The following CNNM2 variants were observed in gnomAD, a reference collection of about 807,000 sequenced individuals.
CNNM2 encodes cyclin and CBS domain divalent metal cation transport mediator 2, also known as metal transporter CNNM2.
Under a neutral mutation model 66.9 loss-of-function variants are expected in CNNM2, and 12 were observed. The observed-to-expected ratio is 0.18, with a 90% CI of 0.11 to 0.29. CNNM2 has a LOEUF of 0.29. CNNM2 is among the 10% of genes least tolerant of loss of function. CNNM2 has a pLI of 1.00. For missense variants in CNNM2, 705 were observed against 1,167.7 expected, an observed-to-expected ratio of 0.60 and a Z score of 5.77; for synonymous variants, 557 against 501.8, an observed-to-expected ratio of 1.11 and a Z score of -1.47.
In CNNM2 at chr10:103,088,905, C is replaced by G. The variant is rs909517668; in HGVS notation, c.*11725C>G. On this transcript the variant is annotated 3_prime_UTR_variant, in exon 8 of 8. Coordinates refer to ENST00000369878, the MANE Select transcript of CNNM2 (RefSeq NM_017649.5). ...CTGTAGTATAAGAAGGCAGTTCTTCCCTTTCTTTTCTGGGGGCTTGTTCCT... is the reference window on the plus strand; with the variant it reads ...CTGTAGTATAAGAAGGCAGTTCTTCGCTTTCTTTTCTGGGGGCTTGTTCCT... The G allele has an allele frequency of 2.4e-5, 5 of 211,874 alleles. No individual in the cohort carries two copies. Among genetic ancestry groups the G allele is most frequent in the Admixed American group, 1.8e-4 (3 of 17,024 alleles). The allele number at this position is 211,874 out of a possible 1,614,324, so 13.1% of individuals were successfully genotyped here.
intron 1 of CNNM2, among the ~76,000 whole-genome samples, chr10:102,979,706 CAA>C (rs1441023552): frequency 6.6e-6 from 1 of 151,920 alleles, no homozygotes; most frequent in Non-Finnish European, 1.5e-5. Flanking sequence ...ATACATAAAA[CAA>C]ATAGTTGTAA....
At position 103,086,882 on chromosome 10, in the gene CNNM2, T is replaced by G. The variant is rs2065821052; in HGVS notation, c.*9702T>G. ...AGAGTTTTCACTGACTATCTATCTTTGCAGAGATGAATGAATGTACTGGGC... is the reference window on the plus strand; with the variant it reads ...AGAGTTTTCACTGACTATCTATCTTGGCAGAGATGAATGAATGTACTGGGC... On this transcript the variant is annotated 3_prime_UTR_variant, in exon 8 of 8. Transcript: ENST00000369878. The G allele has an allele frequency of 6.6e-6, 1 of 152,180 alleles. No individual in the cohort carries two copies. Among genetic ancestry groups the G allele is most frequent in the African/African-American group, 2.4e-5 (1 of 41,446 alleles). The allele number at this position is 152,180 out of a possible 1,614,324, so 9.4% of individuals were successfully genotyped here. A position where few individuals can be genotyped will look rare whatever the true frequency, so the allele number is the denominator to read the frequency against.
rs189557265 is a variant in CNNM2, at chr10:103,019,085, C to T, written c.1622-30622C>T. Among the ~76,000 whole-genome samples the T allele has an allele frequency of 7.4e-3, 1,128 of 151,560 alleles. 5 individuals are homozygous for T. Among genetic ancestry groups the T allele is most frequent in the Non-Finnish European group, 0.011 (738 of 67,784 alleles). ...GAGTTAGAGACCAGCCTGGGCAGCACGGCGAGATCCCATCCCTACTAAAAA... is the reference window on the plus strand; with the variant it reads ...GAGTTAGAGACCAGCCTGGGCAGCATGGCGAGATCCCATCCCTACTAAAAA... On this transcript the variant is annotated intron_variant, in intron 1 of 7. Coordinates refer to ENST00000369878, the MANE Select transcript of CNNM2 (RefSeq NM_017649.5).
intron 1 of CNNM2, among the ~76,000 whole-genome samples, chr10:103,002,642 G>GCT (rs1228860065): frequency 1.3e-5 from 2 of 152,058 alleles, no homozygotes; most frequent in African/African-American, 4.8e-5. Context: ...ACCACACCCG[G>GCT]CTAATTTTGT....
At chr10:102,982,368 A>C (rs2063732412) in intron 1 of CNNM2, among the ~76,000 whole-genome samples, 1 of 152,256 alleles carries the variant, frequency 6.6e-6, no homozygotes, top group Non-Finnish European at 1.5e-5. Flanking sequence ...TAGTGAGTAC[A>C]TAATAAATAT....
rs533064589 is a variant in CNNM2 at position 102,996,857 on chromosome 10, T to A, written c.1622-52850T>A. 2.6e-5 allele frequency among the ~76,000 whole-genome samples: 4 copies of A among 152,326 alleles called. No individual in the cohort carries two copies. In the South Asian group the frequency reaches 8.3e-4, roughly 32 times the overall value. On this transcript the variant is annotated intron_variant, in intron 1 of 7. Transcript: ENST00000369878. The stretch of plus-strand genomic sequence containing the variant: ...TTCTTCCACGAGATATTTGCCTTTG[T>A]TATGTCCTCAATTATTTTCAAGCTC...
chr10:102,928,360 G>A (rs1260619615), intron 1 of CNNM2, among the ~76,000 whole-genome samples: 1 of 152,086 alleles, frequency 6.6e-6, no homozygotes, highest in Non-Finnish European at 1.5e-5. Flanking sequence ...GCCGAGGCGG[G>A]TGGATCACCT....
intron 3 of CNNM2, among the ~76,000 whole-genome samples, chr10:103,056,255 T>G (rs1483543978): frequency 6.6e-6 from 1 of 152,188 alleles, no homozygotes; most frequent in South Asian, 2.1e-4. Context: ...TTTTGAACAT[T>G]ACTTTTTTTT....
intron 1 of CNNM2, among the ~76,000 whole-genome samples, chr10:103,040,798 A>G (rs2065026863): frequency 6.6e-6 from 1 of 152,184 alleles, no homozygotes; most frequent in South Asian, 2.1e-4. Context: ...TCTTCCATCT[A>G]AACGTCTCTG....
At chr10:102,942,940 G>T (rs557187323) in intron 1 of CNNM2, among the ~76,000 whole-genome samples, 1 of 152,146 alleles carries the variant, frequency 6.6e-6, no homozygotes, top group African/African-American at 2.4e-5. Context: ...GTCCAGGCGC[G>T]CCTGGATCAC....
At chr10:102,963,423 C>T (rs1376166012) in intron 1 of CNNM2, among the ~76,000 whole-genome samples, 1 of 152,124 alleles carries the variant, frequency 6.6e-6, no homozygotes, top group East Asian at 1.9e-4. Context: ...AATGACTTTC[C>T]TCCAGACACC....
At position 102,918,699 on chromosome 10, in the gene CNNM2, G is replaced by A; in HGVS notation, c.219G>A (p.Val73=). Residue 73 remains valine, a synonymous_variant, in exon 1 of 8, where the codon GTG becomes GTA. Transcript: ENST00000369878. This position sits in a 1 kb window ranked among gnomAD's most constrained non-coding sequence, Gnocchi z 4.1. ...CGGTGGGCGAGAATGAGGAGACGGT[G>A]ATCATCGGGCTGCGACTGGAGGACA... ...CAAVGENEET[V]IIGLRLEDTN... The A allele has an allele frequency of 6.4e-7, 1 of 1,560,858 alleles. No homozygotes were observed. The highest frequency in any genetic ancestry group is 8.7e-7 in the Non-Finnish European group (1 of 1,153,052).
rs2065187015 is a variant in CNNM2, at chr10:103,049,841, G to C, written c.1756G>C (p.Asp586His). 6.2e-7 allele frequency: 1 copy of C among 1,613,596 alleles called. No individual in the cohort carries two copies. The highest frequency in any genetic ancestry group is 1.3e-5 in the African/African-American group (1 of 74,920). ...CAAATCTGAGATTCTTGATGAAACA[G>C]ATTTATACAGTAAGTAGCATTGTCT... ...IIKSEILDET[D>H]LYTDNRTKKK... Residue 586 changes from aspartate to histidine, a missense_variant, in exon 2 of 8, where the codon GAT becomes CAT. Physicochemically the swap from Asp to His is moderately conservative, Grantham distance 81. Coordinates refer to ENST00000369878, the MANE Select transcript of CNNM2 (RefSeq NM_017649.5).
chr10:103,043,990 C>T (rs2065086355), intron 1 of CNNM2, among the ~76,000 whole-genome samples: 1 of 152,200 alleles, frequency 6.6e-6, no homozygotes, highest in Non-Finnish European at 1.5e-5. Context: ...AGGGCGCTCT[C>T]CCAAGCCCTG....
intron 4 of CNNM2, among the ~76,000 whole-genome samples, chr10:103,064,729 A>G (rs1435246025): frequency 6.6e-6 from 1 of 152,082 alleles, no homozygotes; most frequent in Non-Finnish European, 1.5e-5. Flanking sequence ...AGTGCCAGCT[A>G]CTCAGGAGGC....
intron 1 of CNNM2, among the ~76,000 whole-genome samples, chr10:102,941,949 TG>T (rs1471640177): frequency 6.6e-6 from 1 of 152,214 alleles, no homozygotes; most frequent in Non-Finnish European, 1.5e-5. Flanking sequence ...GTTGAGAATG[TG>T]TTGTGATACT....
At chr10:103,053,704 C>T (rs925298739) in intron 2 of CNNM2, among the ~76,000 whole-genome samples, 6 of 152,152 alleles carry the variant, frequency 3.9e-5, no homozygotes, top group East Asian at 3.9e-4. Context: ...TGGCCCTTTT[C>T]GGAGGAAGTT....
chr10:102,961,944 C>T (rs1272242580), intron 1 of CNNM2, among the ~76,000 whole-genome samples: 2 of 150,220 alleles, frequency 1.3e-5, no homozygotes, highest in Non-Finnish European at 3.0e-5. Flanking sequence ...GGTTGTCTAA[C>T]GATACTTATA....
chr10:102,921,135 A>G (rs1255596143), intron 1 of CNNM2: 7 of 666,924 alleles, frequency 1.0e-5, no homozygotes, highest in Non-Finnish European at 1.3e-5. Flanking sequence ...AACTTGTACT[A>G]TTATTATTGA....
Sources: allele counts gnomAD v4.1 joint callset (sites outside exome capture counted in the v4.1 genomes callset), GRCh38; gene constraint gnomAD v4.1.1; non-coding constraint Gnocchi (gnomAD v3.1); transcripts MANE v1.5; gene names NCBI Gene and HGNC (gene_info 2026-07-23, HGNC 2026-07-21).